NRG3: variants seen among roughly 807,000 people sequenced by gnomAD.
NRG3 encodes neuregulin 3.
A neutral mutation model predicts 66.9 loss-of-function variants in NRG3; 31 were observed. The ratio of observed to expected loss-of-function variants is 0.46; its 90% confidence interval spans 0.35 to 0.63. The LOEUF (loss-of-function observed/expected upper bound fraction) is 0.63, where lower values mean the gene tolerates loss of function less well. Ranked by LOEUF, NRG3 falls within the 20% of genes least tolerant of loss-of-function variation. The probability of loss-of-function intolerance (pLI) is 0.00; values close to 1 mark genes in which losing one functional copy is unlikely to be tolerated. For synonymous variants in NRG3, 393 were observed against 359.4 expected, an observed-to-expected ratio of 1.09 and a Z score of -1.06; for missense variants, 910 against 878.9, an observed-to-expected ratio of 1.04 and a Z score of -0.45.
At chr10:82,711,865 G>C (rs1190664232) in intron 2 of NRG3, among the ~76,000 whole-genome samples, 1 of 151,984 alleles carries the variant, frequency 6.6e-6, no homozygotes, top group African/African-American at 2.4e-5. Flanking sequence ...TCATACTTTT[G>C]TATTCTAACT....
chr10:82,171,450 T>C (rs2072601312), intron 1 of NRG3, among the ~76,000 whole-genome samples: 1 of 152,024 alleles, frequency 6.6e-6, no homozygotes, highest in Admixed American at 6.6e-5. Flanking sequence ...CTCTGATAGA[T>C]GCTGTATAGA....
intron 3 of NRG3, among the ~76,000 whole-genome samples, chr10:82,820,559 A>G (rs1157819447): frequency 6.6e-6 from 1 of 152,220 alleles, no homozygotes; most frequent in African/African-American, 2.4e-5. Flanking sequence ...AGATAAGCAG[A>G]TAAATGCAGC....
intron 1 of NRG3, among the ~76,000 whole-genome samples, chr10:82,182,869 AT>A (rs2073531598): frequency 2.0e-5 from 3 of 151,864 alleles, no homozygotes; most frequent in African/African-American, 7.2e-5. Context: ...ACATACCTTC[AT>A]TTTTTAAGGA....
chr10:82,577,063 G>A (rs2046074286), intron 2 of NRG3, among the ~76,000 whole-genome samples: 1 of 151,534 alleles, frequency 6.6e-6, no homozygotes, highest in African/African-American at 2.4e-5. Flanking sequence ...TTTTTTGGTT[G>A]CAGTTATTCA....
intron 2 of NRG3, among the ~76,000 whole-genome samples, chr10:82,414,749 G>C (rs934556004): frequency 2.0e-5 from 3 of 151,956 alleles, no homozygotes; most frequent in Non-Finnish European, 2.9e-5. Flanking sequence ...TGAGCACACA[G>C]AGAGAGAGAG....
intron 1 of NRG3, among the ~76,000 whole-genome samples, chr10:82,307,283 T>C (rs914794040): frequency 6.6e-6 from 1 of 152,210 alleles, no homozygotes; most frequent in Non-Finnish European, 1.5e-5. Context: ...GTCCTTTTAT[T>C]CACCTGTGTA....
chr10:82,258,987 A>G (rs2077879807), intron 1 of NRG3, among the ~76,000 whole-genome samples: 1 of 152,140 alleles, frequency 6.6e-6, no homozygotes, highest in Non-Finnish European at 1.5e-5. Flanking sequence ...CCTGAAACTG[A>G]TATCCCCAGG....
chr10:82,416,055 A>G (rs943849842), intron 2 of NRG3, among the ~76,000 whole-genome samples: 3 of 152,336 alleles, frequency 2.0e-5, no homozygotes, highest in African/African-American at 4.8e-5. Flanking sequence ...GAGATAGTCA[A>G]TATTTAATCA....
intron 1 of NRG3, among the ~76,000 whole-genome samples, chr10:82,298,482 A>G (rs1349356460): frequency 6.6e-6 from 1 of 152,190 alleles, no homozygotes; most frequent in Non-Finnish European, 1.5e-5. Context: ...TTATAATTTT[A>G]TTAAATTGCA....
intron 2 of NRG3, among the ~76,000 whole-genome samples, chr10:82,413,305 T>G (rs1350917270): frequency 6.6e-6 from 1 of 152,176 alleles, no homozygotes; most frequent in East Asian, 1.9e-4. Context: ...ATCTTGGAGC[T>G]CTGGGGTGAC....
intron 2 of NRG3, among the ~76,000 whole-genome samples, chr10:82,474,390 C>T (rs180684565): frequency 6.6e-6 from 1 of 151,336 alleles, no homozygotes; most frequent in East Asian, 1.9e-4. Context: ...TATATATGAA[C>T]AAAATGAGAA....
At chr10:82,066,104 G>T (rs1202421288) in intron 1 of NRG3, among the ~76,000 whole-genome samples, 7 of 152,118 alleles carry the variant, frequency 4.6e-5, no homozygotes, top group African/African-American at 1.7e-4. Context: ...ATTTAACCAT[G>T]TCTTTTACAA....
intron 1 of NRG3, among the ~76,000 whole-genome samples, chr10:82,180,341 C>A (rs1465892640): frequency 6.6e-6 from 1 of 151,880 alleles, no homozygotes; most frequent in East Asian, 1.9e-4. Flanking sequence ...GAAAAGCATT[C>A]AGGTTTTAAC....
intron 1 of NRG3, chr10:81,878,036 G>C: frequency 6.5e-7 from 1 of 1,537,536 alleles, no homozygotes; most frequent in South Asian, 1.2e-5. Flanking sequence ...GGTATTTCAT[G>C]TTCTTTCTCA....
intron 2 of NRG3, among the ~76,000 whole-genome samples, chr10:82,551,127 A>G (rs2132885860): frequency 6.6e-6 from 1 of 152,246 alleles, no homozygotes; most frequent in East Asian, 1.9e-4. Flanking sequence ...TTAAATCACA[A>G]ATTGAGCTGA....
At position 82,695,517 on chromosome 10, in the gene NRG3, C is replaced by A. The variant is rs1464571971; in HGVS notation, c.954-43060C>A. Among the ~76,000 whole-genome samples, 3 of 151,898 alleles carry A rather than the reference C, an allele frequency of 2.0e-5. No individual in the cohort carries two copies. The East Asian group carries it at 5.8e-4, about 29-fold the overall frequency. On this transcript the variant is annotated intron_variant, in intron 2 of 8. Transcript: ENST00000372141. ...ATATGTGTGTGCATCTAGATATAGA[C>A]TAAAATATATTTTTAAAATCCTATG... is the stretch of plus-strand genomic sequence containing the variant.
chr10:82,117,764 G>A (rs1258209053), intron 1 of NRG3, among the ~76,000 whole-genome samples: 1 of 152,084 alleles, frequency 6.6e-6, no homozygotes, highest in African/African-American at 2.4e-5. Flanking sequence ...TGTAGCCCAT[G>A]CCTAATATTA....
intron 2 of NRG3, among the ~76,000 whole-genome samples, chr10:82,700,793 G>A (rs2055810160): frequency 6.6e-6 from 1 of 152,084 alleles, no homozygotes; most frequent in African/African-American, 2.4e-5. Context: ...TAGGAAGAAT[G>A]CAAGGAGTCC....
In NRG3 at chr10:82,925,991, A is replaced by G. The variant is rs1206278470; in HGVS notation, c.1055-25478A>G. Among the ~76,000 whole-genome samples the G allele has an allele frequency of 4.6e-5, 7 of 152,172 alleles. No homozygotes were observed. The East Asian group carries it at 1.4e-3, about 29-fold the overall frequency. On this transcript the variant is annotated intron_variant, in intron 4 of 8. Coordinates refer to ENST00000372141, the MANE Select transcript of NRG3 (RefSeq NM_001010848.4). Reference sequence around the variant, plus strand: ...ATCATTCAGGGAGAGATTGTTTTAAAGGTTTAGCTAAAAGCCATTTATCCA... The same window carrying G: ...ATCATTCAGGGAGAGATTGTTTTAAGGGTTTAGCTAAAAGCCATTTATCCA...
Sources: gnomAD v4.1 joint callset for allele counts (sites outside exome capture counted in the v4.1 genomes callset) on GRCh38, gnomAD v4.1.1 for gene constraint, MANE v1.5 for transcripts, NCBI Gene and HGNC (gene_info 2026-07-23, HGNC 2026-07-21) for gene names.